The following MAD1L1 variants were observed in gnomAD, a reference collection of about 807,000 sequenced individuals.
The protein encoded by MAD1L1 is mitotic arrest deficient 1 like 1.
Under a neutral mutation model 96.9 loss-of-function variants are expected in MAD1L1, and 95 were observed. The ratio of observed to expected loss-of-function variants is 0.98; its 90% CI spans 0.83 to 1.16. The LOEUF (loss-of-function observed/expected upper bound fraction) is 1.16. Among genes scored for constraint, MAD1L1 ranks in the 50% most tolerant of loss-of-function variants. MAD1L1 has a pLI of 0.00. For missense variants in MAD1L1, 1,007 were observed against 954.4 expected (o/e 1.06, Z -0.73); for synonymous variants, 473 against 396.6 (o/e 1.19, Z -2.29).
At chr7:2,216,355 G>C (rs954718516) in intron 7 of MAD1L1, 68 bp from the exon 8 acceptor site, 7 of 1,513,056 alleles carry the variant, frequency 4.6e-6, no homozygotes, top group African/African-American at 2.8e-5. Context: ...AAAATCACAC[G>C]CACACGGCTA....
intron 17 of MAD1L1, among the ~76,000 whole-genome samples, chr7:1,909,879 G>A (rs546397418): frequency 6.6e-6 from 1 of 152,302 alleles, no homozygotes; most frequent in East Asian, 1.9e-4. Context: ...GCTCCAGTGA[G>A]AAGACACTCG....
At chr7:2,092,702 A>C (rs1042457905) in intron 11 of MAD1L1, among the ~76,000 whole-genome samples, 3 of 152,206 alleles carry the variant, frequency 2.0e-5, no homozygotes, top group African/African-American at 7.2e-5. Flanking sequence ...GTTATTTGTC[A>C]AATATCTGAC....
intron 5 of MAD1L1, 124 bp downstream of exon 5, chr7:2,222,451 A>G: frequency 2.5e-6 from 2 of 794,794 alleles, no homozygotes; most frequent in Non-Finnish European, 3.8e-6. Flanking sequence ...AACTATGTAC[A>G]AAACGCAGCT....
At chr7:1,975,886 T>C (rs991293324) in intron 15 of MAD1L1, among the ~76,000 whole-genome samples, 2 of 152,158 alleles carry the variant, frequency 1.3e-5, no homozygotes, top group East Asian at 1.9e-4. Context: ...CTGGCACAGA[T>C]AGGCAAGCCT....
intron 16 of MAD1L1, among the ~76,000 whole-genome samples, chr7:1,948,579 G>T (rs1259196360): frequency 6.6e-6 from 1 of 152,238 alleles, no homozygotes; most frequent in African/African-American, 2.4e-5. Flanking sequence ...AAGGCCAGGG[G>T]AGGAGGGAGC....
intron 11 of MAD1L1, among the ~76,000 whole-genome samples, chr7:2,137,242 T>C (rs1243276662): frequency 6.6e-6 from 1 of 152,230 alleles, no homozygotes; most frequent in Non-Finnish European, 1.5e-5. Flanking sequence ...ATAAACAACA[T>C]TCAAGTAGTA....
At chr7:2,021,045 A>G (rs901149913) in intron 12 of MAD1L1, among the ~76,000 whole-genome samples, 2 of 152,228 alleles carry the variant, frequency 1.3e-5, no homozygotes, top group African/African-American at 2.4e-5. Flanking sequence ...CTGAGGAAAA[A>G]GCAATGAAAA....
rs60466584 is a variant in MAD1L1 at position 2,038,498 on chromosome 7, C to CTTTT, written c.1219-23860_1219-23857dup. ...TGTTAGGAGATAATGAAGCTGATGA[C>CTTTT]TTTTTTTTTTTTTTTTTTTTTTTTT... On this transcript the variant is annotated intron_variant, in intron 12 of 18. Coordinates refer to ENST00000265854, the MANE Select transcript of MAD1L1 (RefSeq NM_001013836.2). Among the ~76,000 whole-genome samples, 84 of 92,854 alleles carry CTTTT rather than the reference C, an allele frequency of 9.0e-4. 5 individuals are homozygous for CTTTT. The highest frequency in any genetic ancestry group is 3.8e-3 in the South Asian group (9 of 2,354). 60.9% of individuals were successfully genotyped at this position (92,854 alleles called of 152,430 possible).
intron 13 of MAD1L1, among the ~76,000 whole-genome samples, chr7:2,014,157 T>G (rs1429276410): frequency 6.6e-6 from 1 of 152,184 alleles, no homozygotes; most frequent in Non-Finnish European, 1.5e-5. Flanking sequence ...CAGGTCTCCT[T>G]GGCAGATGCC....
intron 10 of MAD1L1, among the ~76,000 whole-genome samples, chr7:2,164,534 C>T (rs373969412): frequency 2.7e-4 from 35 of 131,150 alleles, no homozygotes; most frequent in African/African-American, 1.0e-3. Context: ...CAAATGGAGA[C>T]AGCAGATATG....
chr7:2,134,843 G>A (rs1481679058), intron 11 of MAD1L1, among the ~76,000 whole-genome samples: 1 of 152,180 alleles, frequency 6.6e-6, no homozygotes, highest in South Asian at 2.1e-4. Context: ...GGACACCCCT[G>A]CTGCTCATCT....
intron 18 of MAD1L1, among the ~76,000 whole-genome samples, chr7:1,878,741 C>G (rs146258902): frequency 2.7e-4 from 38 of 142,778 alleles, no homozygotes; most frequent in East Asian, 8.7e-4. Context: ...TCCCCCCCCC[C>G]CCATTCTTAT....
chr7:1,961,856 C>T (rs1200048932), intron 15 of MAD1L1, among the ~76,000 whole-genome samples: 1 of 151,858 alleles, frequency 6.6e-6, no homozygotes, highest in East Asian at 1.9e-4. Flanking sequence ...TTCCCCCATA[C>T]CATTCTCGTG....
At chr7:1,857,512 C>T (rs760183734) in intron 18 of MAD1L1, among the ~76,000 whole-genome samples, 2 of 152,228 alleles carry the variant, frequency 1.3e-5, no homozygotes, top group Non-Finnish European at 2.9e-5. Flanking sequence ...GACAGAGGAA[C>T]AGGACGGTCC....
Position 2,217,881 on chromosome 7 carries a change from C to A in MAD1L1, c.678+81G>T, listed in dbSNP as rs576963730. 1.5e-5 allele frequency: 18 copies of A among 1,186,646 alleles called. No individual in the cohort carries two copies. The African/African-American group carries it at 2.4e-4, about 16-fold the overall frequency. The allele number at this position is 1,186,646 out of a possible 1,614,324, so 73.5% of individuals were successfully genotyped here. On this transcript the variant is annotated intron_variant, in intron 7 of 18. Coordinates refer to ENST00000265854, the MANE Select transcript of MAD1L1 (RefSeq NM_001013836.2). Reference sequence around the variant, plus strand: ...ACAGAAGGACCACGGAGCTCGGCACCAGCGCAGAAAGGCCGACAGGGGCAG... The same window carrying A: ...ACAGAAGGACCACGGAGCTCGGCACAAGCGCAGAAAGGCCGACAGGGGCAG...
At chr7:1,884,199 G>C (rs1785868174) in intron 18 of MAD1L1, among the ~76,000 whole-genome samples, 1 of 152,240 alleles carries the variant, frequency 6.6e-6, no homozygotes, top group South Asian at 2.1e-4. Flanking sequence ...ACGGTGTTTG[G>C]TGGCACAGCC....
At chr7:2,215,863 C>T (rs148216636) in intron 9 of MAD1L1, 22 bp downstream of exon 9, 24 of 1,609,986 alleles carry the variant, frequency 1.5e-5, no homozygotes, top group East Asian at 4.5e-5. Flanking sequence ...CCACAGGAAC[C>T]GCACACCACA....
At chr7:1,940,974 C>CCTCCTCTTCCTCCCCCAGGCCTCAG (rs1778946627) in intron 16 of MAD1L1, among the ~76,000 whole-genome samples, 2 of 114,150 alleles carry the variant, frequency 1.8e-5, no homozygotes, top group Non-Finnish European at 3.8e-5. Context: ...GCAGGCCTCA[C>CCTCCTCTTCCTCCCCCAGGCCTCAG]CCTCCTCTTC....
intron 11 of MAD1L1, among the ~76,000 whole-genome samples, chr7:2,115,080 C>T (rs1787595807): frequency 6.6e-6 from 1 of 152,234 alleles, no homozygotes; most frequent in African/African-American, 2.4e-5. Flanking sequence ...TGTATCCCCG[C>T]CCCGCGACCC....
Sources: gnomAD v4.1 joint callset for allele counts (sites outside exome capture counted in the v4.1 genomes callset) on GRCh38, gnomAD v4.1.1 for gene constraint, MANE v1.5 for transcripts, NCBI Gene and HGNC (gene_info 2026-07-23, HGNC 2026-07-21) for gene names.